The following GABRB2 variants were observed in gnomAD, a reference collection of about 807,000 sequenced individuals.
GABRB2 encodes the protein gamma-aminobutyric acid type A receptor subunit beta2.
A neutral mutation model predicts 54.7 loss-of-function variants in GABRB2; 16 were observed. The observed-to-expected ratio is 0.29, with a 90% CI of 0.20 to 0.44. The LOEUF is 0.44. Among genes scored for constraint, GABRB2 ranks in the 20% least tolerant of loss-of-function variants. The probability of loss-of-function intolerance (pLI) is 1.00; values close to 1 mark genes in which losing one functional copy is unlikely to be tolerated. For missense variants in GABRB2, 355 were observed against 644.0 expected (o/e 0.55, Z 4.86); for synonymous variants, 244 against 233.8 (o/e 1.04, Z -0.40).
intron 4 of GABRB2, among the ~76,000 whole-genome samples, chr5:161,450,925 C>T (rs1275298947): frequency 6.6e-5 from 10 of 152,046 alleles, no homozygotes; most frequent in Non-Finnish European, 1.3e-4. Context: ...AATAGGTTCT[C>T]ACATTCTGTC....
rs565956492 is a variant in GABRB2 at position 161,512,222 on chromosome 5, A to T, written c.237+33005T>A. ...AAACTACAAAAGTCATTTGTTCACAAAATTATTTTTTTTAATCTAAAATTC... is the reference window on the plus strand; with the variant it reads ...AAACTACAAAAGTCATTTGTTCACATAATTATTTTTTTTAATCTAAAATTC... On this transcript the variant is annotated intron_variant, in intron 3 of 9. Transcript: ENST00000393959. Among the ~76,000 whole-genome samples the T allele has an allele frequency of 3.3e-4, 50 of 152,126 alleles. No homozygotes were observed. The South Asian group carries it at 5.4e-3, about 16-fold the overall frequency.
chr5:161,398,752 C>T (rs1334050699), intron 5 of GABRB2, among the ~76,000 whole-genome samples: 1 of 151,866 alleles, frequency 6.6e-6, no homozygotes. Context: ...TTCAGTGGCG[C>T]GATCTCAGCT....
At chr5:161,370,492 G>T (rs1036983468) in intron 5 of GABRB2, among the ~76,000 whole-genome samples, 1 of 152,136 alleles carries the variant, frequency 6.6e-6, no homozygotes, top group African/African-American at 2.4e-5. Context: ...TGTGCCAGGG[G>T]CTTTGTGGCC....
chr5:161,522,538 C>T (rs1167165048), intron 3 of GABRB2, among the ~76,000 whole-genome samples: 2 of 151,652 alleles, frequency 1.3e-5, no homozygotes, highest in African/African-American at 2.4e-5. Context: ...TTGTTTTTTT[C>T]TACTTCTTTC....
At chr5:161,460,085 C>T (rs1018877369) in intron 3 of GABRB2, among the ~76,000 whole-genome samples, 1 of 152,142 alleles carries the variant, frequency 6.6e-6, no homozygotes, top group Non-Finnish European at 1.5e-5. Flanking sequence ...GCTGAGATTA[C>T]AGGCATGTGC....
At chr5:161,543,165 C>A (rs1470913481) in intron 3 of GABRB2, among the ~76,000 whole-genome samples, 3 of 152,206 alleles carry the variant, frequency 2.0e-5, no homozygotes, top group Non-Finnish European at 4.4e-5. Flanking sequence ...ACCTGATATT[C>A]ATTTTTGCAC....
intron 7 of GABRB2, among the ~76,000 whole-genome samples, 169 bp from the exon 8 acceptor site, chr5:161,331,296 T>A (rs1753830182): frequency 6.6e-6 from 1 of 152,228 alleles, no homozygotes; most frequent in Non-Finnish European, 1.5e-5. Context: ...GATATAGGTA[T>A]AAATTAGCTT....
intron 5 of GABRB2, among the ~76,000 whole-genome samples, chr5:161,387,775 A>T (rs1475666732): frequency 4.6e-5 from 7 of 152,212 alleles, no homozygotes; most frequent in African/African-American, 1.7e-4. Flanking sequence ...TGTTATATTT[A>T]AAAACTTAGC....
At chr5:161,436,593 A>G (rs1157599437) in intron 4 of GABRB2, among the ~76,000 whole-genome samples, 3 of 152,004 alleles carry the variant, frequency 2.0e-5, no homozygotes, top group Non-Finnish European at 2.9e-5. Context: ...ATGGCAGAAT[A>G]GAGAGCTCCA....
intron 9 of GABRB2, among the ~76,000 whole-genome samples, chr5:161,298,971 A>C (rs1327223342): frequency 1.3e-5 from 2 of 152,246 alleles, no homozygotes; most frequent in Admixed American, 6.5e-5. Flanking sequence ...ATGCTTTTTC[A>C]TACTGAGGCA....
intron 9 of GABRB2, among the ~76,000 whole-genome samples, chr5:161,321,188 A>G (rs1319054913): frequency 6.6e-6 from 1 of 152,048 alleles, no homozygotes; most frequent in African/African-American, 2.4e-5. Context: ...TATCTATGCT[A>G]ATTTTATTAT....
chr5:161,390,323 A>C, intron 5 of GABRB2, among the ~76,000 whole-genome samples: 1 of 152,082 alleles, frequency 6.6e-6, no homozygotes. Flanking sequence ...ATGACATTCT[A>C]AAGAATACTT....
intron 5 of GABRB2, among the ~76,000 whole-genome samples, chr5:161,365,282 T>G (rs565946107): frequency 4.3e-4 from 66 of 152,304 alleles, no homozygotes; most frequent in African/African-American, 1.5e-3. Flanking sequence ...TGAAATGGCT[T>G]AGAGGAAGAA....
chr5:161,330,912 T>C lies in GABRB2; in HGVS notation c.1048A>G (p.Asn350Asp). Residue 350 changes from asparagine (N) to aspartate (D), a missense_variant, in exon 8 of 10, where the codon AAT becomes GAT. By Grantham distance (23) the Asn-to-Asp change is conservative. Around this residue, in one of 6 missense-constraint regions of GABRB2, gnomAD observed 201 missense variants for 228.1 expected, o/e 0.88. Coordinates refer to ENST00000393959, the MANE Select transcript of GABRB2 (RefSeq NM_001371727.1). ...TTGACATCCAGGCGCATCTTCTCAT[T>C]GTTGGCACTGGCAGCCTTCTCAGCT... ...KAAEKAASAN[N>D]EKMRLDVNKI... The C allele has an allele frequency of 6.2e-7, 1 of 1,614,248 alleles. No individual in the cohort carries two copies. The highest frequency in any genetic ancestry group is 8.5e-7 in the Non-Finnish European group (1 of 1,180,042).
upstream of GABRB2, among the ~76,000 whole-genome samples, chr5:161,547,267 G>A (rs1240546246): frequency 3.3e-5 from 4 of 119,902 alleles, no homozygotes; most frequent in Admixed American, 8.7e-5. Context: ...GAAGCGGGAG[G>A]GAGGGAAAAA....
intron 3 of GABRB2, among the ~76,000 whole-genome samples, chr5:161,516,438 A>T (rs1174027068): frequency 1.3e-5 from 2 of 152,138 alleles, no homozygotes; most frequent in African/African-American, 4.8e-5. Flanking sequence ...CCAACAATGT[A>T]ATTTGCATGT....
rs532116112 is a variant in GABRB2 at position 161,359,915 on chromosome 5, T to C, written c.542-23146A>G. On this transcript the variant is annotated intron_variant, in intron 5 of 9. Transcript: ENST00000393959. ...GGCCAACATGGTGAAACCCCATGTGTACTAAAAATACAGAAATTAGCTGGG... is the reference window on the plus strand; with the variant it reads ...GGCCAACATGGTGAAACCCCATGTGCACTAAAAATACAGAAATTAGCTGGG... Among the ~76,000 whole-genome samples the C allele has an allele frequency of 2.0e-5, 3 of 152,084 alleles. No homozygotes were observed. The South Asian group carries it at 6.2e-4, about 32-fold the overall frequency.
intron 5 of GABRB2, among the ~76,000 whole-genome samples, chr5:161,363,875 T>A (rs1388100686): frequency 6.6e-6 from 1 of 152,228 alleles, no homozygotes; most frequent in Non-Finnish European, 1.5e-5. Context: ...TCACTGTAGT[T>A]GTAATTGTAA....
intron 5 of GABRB2, among the ~76,000 whole-genome samples, chr5:161,356,265 T>G (rs995336741): frequency 6.6e-6 from 1 of 152,222 alleles, no homozygotes; most frequent in Non-Finnish European, 1.5e-5. Context: ...AGAATAATTC[T>G]ATTTATTTTT....
Sources: gnomAD v4.1 joint callset for allele counts (sites outside exome capture counted in the v4.1 genomes callset) on GRCh38, gnomAD v4.1.1 for gene constraint, gnomAD v4.1.1 regional missense constraint, MANE v1.5 for transcripts, NCBI Gene and HGNC (gene_info 2026-07-23, HGNC 2026-07-21) for gene names.